The following KIRREL3 variants were observed in gnomAD, a reference collection of about 807,000 sequenced individuals.
KIRREL3 encodes kin of IRRE-like protein 3.
In KIRREL3, 36 loss-of-function variants were observed where a neutral mutation model predicts 89.7. The ratio of observed to expected loss-of-function variants is 0.40; its 90% CI spans 0.31 to 0.53. The LOEUF is 0.53. Among genes scored for constraint, KIRREL3 ranks in the 20% least tolerant of loss-of-function variants. The pLI, the probability that KIRREL3 is intolerant of heterozygous loss-of-function variation, is 0.49. For synonymous variants in KIRREL3, 445 were observed against 441.4 expected (o/e 1.01, Z -0.10); for missense variants, 864 against 1,056.6 (o/e 0.82, Z 2.53).
At chr11:126,674,004 C>A (rs1484598667) in intron 1 of KIRREL3, among the ~76,000 whole-genome samples, 2 of 152,210 alleles carry the variant, frequency 1.3e-5, no homozygotes, top group Non-Finnish European at 2.9e-5. Flanking sequence ...ATATGGGTAA[C>A]CCCTTAACTG....
rs114265268 is a variant in KIRREL3, at chr11:126,758,123, C to T, written c.56-195211G>A. On this transcript the variant is annotated intron_variant, in intron 1 of 16. Coordinates refer to ENST00000525144, the MANE Select transcript of KIRREL3 (RefSeq NM_032531.4). Reference sequence around the variant, plus strand: ...TGTGACGTTACTTAGTTGAGCTCTCCGATTTGGCTATTAAGACTCTCAAAG... The same window carrying T: ...TGTGACGTTACTTAGTTGAGCTCTCTGATTTGGCTATTAAGACTCTCAAAG... Among the ~76,000 whole-genome samples, 1,019 of 152,300 alleles carry T rather than the reference C, an allele frequency of 6.7e-3. 11 individuals carry two copies. Among genetic ancestry groups the T allele is most frequent in the African/African-American group, 0.023 (955 of 41,562 alleles).
intron 4 of KIRREL3, among the ~76,000 whole-genome samples, chr11:126,480,073 C>T (rs11220516): frequency 0.15 from 22,333 of 152,170 alleles, 1,865 homozygotes; most frequent in Non-Finnish European, 0.19. Context: ...CCATCCGGAT[C>T]CCCATCTCCC....
rs112149639 is a variant in KIRREL3, at chr11:126,938,343, T to C, written c.55+62112A>G. On this transcript the variant is annotated intron_variant, in intron 1 of 16. Coordinates refer to ENST00000525144, the MANE Select transcript of KIRREL3 (RefSeq NM_032531.4). ...AGTGGTGTCAAGGCTCTAATGACACTGGGCACTTGACTGGCATATTTTCTC... is the reference window on the plus strand; with the variant it reads ...AGTGGTGTCAAGGCTCTAATGACACCGGGCACTTGACTGGCATATTTTCTC... Among the ~76,000 whole-genome samples the C allele has an allele frequency of 2.9e-3, 447 of 152,324 alleles. 1 individual carries two copies. Among genetic ancestry groups the C allele is most frequent in the African/African-American group, 0.01 (427 of 41,582 alleles).
Position 126,463,110 on chromosome 11 carries a change from A to G in KIRREL3, c.742+47T>C, listed in dbSNP as rs746935536. 21 of 1,569,412 alleles carry G rather than the reference A, an allele frequency of 1.3e-5. No homozygotes were observed. The highest frequency in any genetic ancestry group is 1.7e-5 in the Non-Finnish European group (20 of 1,149,252). The stretch of plus-strand genomic sequence containing the variant: ...TATGGTCAGGGTTGCTGGGTGTTTC[A>G]CCCTGGGCCTGGCAGGGCTGGGTTG... On this transcript the variant is annotated intron_variant, in intron 6 of 16. Coordinates refer to ENST00000525144, the MANE Select transcript of KIRREL3 (RefSeq NM_032531.4). The surrounding 1 kb of genome is among the most constrained non-coding windows in gnomAD (Gnocchi z 5.9).
At chr11:126,461,967 C>T (rs1415224837) in intron 6 of KIRREL3, among the ~76,000 whole-genome samples, 2 of 152,198 alleles carry the variant, frequency 1.3e-5, no homozygotes, top group Non-Finnish European at 2.9e-5. Flanking sequence ...TGTTTGGCGG[C>T]AGGGAGGGGA....
At chr11:126,756,469 G>A (rs182771150) in intron 1 of KIRREL3, among the ~76,000 whole-genome samples, 1 of 152,382 alleles carries the variant, frequency 6.6e-6, no homozygotes, top group East Asian at 1.9e-4. Context: ...TGCCAGTATG[G>A]CAGGTCCCTT....
Position 126,544,613 on chromosome 11 carries a change from G to A in KIRREL3, c.134-17926C>T, listed in dbSNP as rs950014739. Among the ~76,000 whole-genome samples, 18 of 152,116 alleles carry A rather than the reference G, an allele frequency of 1.2e-4. No homozygotes were observed. The highest frequency in any genetic ancestry group is 1.3e-4 in the Non-Finnish European group (9 of 68,022). ...GAGTCTGCAGCAGGAACCCAGAGTC[G>A]GTGTCCTGGGGGCTCCATGCAGGAC... On this transcript the variant is annotated intron_variant, in intron 2 of 16. Transcript: ENST00000525144. The surrounding 1 kb of genome is among the most constrained non-coding windows in gnomAD (Gnocchi z 5.6).
At chr11:126,944,902 C>A (rs1219882724) in intron 1 of KIRREL3, 2 of 152,126 alleles carry the variant, frequency 1.3e-5, no homozygotes, top group African/African-American at 4.8e-5. Flanking sequence ...TGTGTTCTGC[C>A]CTCTTTCCAC....
rs542071268 is a variant in KIRREL3, at chr11:126,652,200, C to G, written c.56-89288G>C. Among the ~76,000 whole-genome samples, 11 of 152,242 alleles carry G rather than the reference C, an allele frequency of 7.2e-5. No individual in the cohort carries two copies. Among genetic ancestry groups the G allele is most frequent in the South Asian group, 2.1e-4 (1 of 4,816 alleles). ...CAGCCCCTCAGAGTGAAGGGATGGG[C>G]TTCTTTGGTTGAGTTCCGGTGTCTG... On this transcript the variant is annotated intron_variant, in intron 1 of 16. Transcript: ENST00000525144. The surrounding 1 kb of genome is among the most constrained non-coding windows in gnomAD (Gnocchi z 4.9).
At chr11:126,858,859 A>G (rs1273602640) in intron 1 of KIRREL3, among the ~76,000 whole-genome samples, 1 of 152,204 alleles carries the variant, frequency 6.6e-6, no homozygotes, top group Non-Finnish European at 1.5e-5. Context: ...CCTGGATGTC[A>G]GGTTGCTAGA....
intron 2 of KIRREL3, among the ~76,000 whole-genome samples, chr11:126,548,690 A>G (rs1436407920): frequency 1.3e-5 from 2 of 152,228 alleles, no homozygotes; most frequent in Non-Finnish European, 2.9e-5. Flanking sequence ...TTCCAGGGGA[A>G]CCTGAGGTAA....
chr11:126,821,381 G>A (rs895360716), intron 1 of KIRREL3, among the ~76,000 whole-genome samples: 4 of 125,098 alleles, frequency 3.2e-5, no homozygotes, highest in African/African-American at 1.4e-4. Flanking sequence ...CCCTTCCTTT[G>A]GAAAGGGCTT....
At position 126,788,771 on chromosome 11, in the gene KIRREL3, G is replaced by C. The variant is rs1950554572; in HGVS notation, c.55+211684C>G. Among the ~76,000 whole-genome samples the C allele has an allele frequency of 6.6e-6, 1 of 152,148 alleles. No individual in the cohort carries two copies. The highest frequency in any genetic ancestry group is 2.4e-5 in the African/African-American group (1 of 41,444). On this transcript the variant is annotated intron_variant, in intron 1 of 16. Coordinates refer to ENST00000525144, the MANE Select transcript of KIRREL3 (RefSeq NM_032531.4). The surrounding 1 kb of genome is among the most constrained non-coding windows in gnomAD (Gnocchi z 4.1). ...CAGAGTTCAATCTGGAGTCATCCAG[G>C]CAGCTGCATGTTGTATTATCCGCAT...
chr11:126,833,571 T>C (rs1053867855), intron 1 of KIRREL3, among the ~76,000 whole-genome samples: 12 of 152,356 alleles, frequency 7.9e-5, no homozygotes, highest in African/African-American at 2.9e-4. Context: ...GTCACAAAAG[T>C]GTTTCCTCAT....
In KIRREL3 at chr11:126,585,220, CTTTTT is replaced by C. The variant is rs3042225; in HGVS notation, c.56-22313_56-22309del. Among the ~76,000 whole-genome samples, 36 of 81,922 alleles carry C rather than the reference CTTTTT, an allele frequency of 4.4e-4. 1 individual carries two copies. Among genetic ancestry groups the C allele is most frequent in the Middle Eastern group, 8.1e-3 (1 of 124 alleles). The allele number at this position is 81,922 out of a possible 152,430, so 53.7% of individuals were successfully genotyped here. A position where few individuals can be genotyped will look rare whatever the true frequency, so the allele number is the denominator to read the frequency against. On this transcript the variant is annotated intron_variant, in intron 1 of 16. Transcript: ENST00000525144. Reference sequence around the variant, plus strand: ...AGGCGTGAGCCACCGCGCCCGGCCTCTTTTTTTTTTTTTTTTTTTTTTTTTTTGAG... The same window carrying C: ...AGGCGTGAGCCACCGCGCCCGGCCTCTTTTTTTTTTTTTTTTTTTTTTGAG...
rs1055181352 is a variant in KIRREL3, at chr11:126,575,229, A to G, written c.56-12317T>C. 6.6e-6 allele frequency among the ~76,000 whole-genome samples: 1 copy of G among 152,244 alleles called. No homozygotes were observed. Among genetic ancestry groups the G allele is most frequent in the Non-Finnish European group, 1.5e-5 (1 of 68,040 alleles). On this transcript the variant is annotated intron_variant, in intron 1 of 16. Coordinates refer to ENST00000525144, the MANE Select transcript of KIRREL3 (RefSeq NM_032531.4). The surrounding 1 kb of genome is among the most constrained non-coding windows in gnomAD (Gnocchi z 7.0). ...GCTACCCTGGCTTGAAGCTTTGGAC[A>G]GTCGGGGCAGGTTCTCTCTTGGCTC... is the stretch of plus-strand genomic sequence containing the variant.
rs753192658 is a variant in KIRREL3, at chr11:126,983,754, C to T, written c.55+16701G>A. On this transcript the variant is annotated intron_variant, in intron 1 of 16. Transcript: ENST00000525144. The surrounding 1 kb of genome is among the most constrained non-coding windows in gnomAD (Gnocchi z 4.9). The stretch of plus-strand genomic sequence containing the variant: ...GTGAGATCCATTCTAGACCTCTGAC[C>T]TCCAGAAGCTAAGATAGTACATTTG... Among the ~76,000 whole-genome samples, 3 of 152,166 alleles carry T rather than the reference C, an allele frequency of 2.0e-5. No homozygotes were observed. Among genetic ancestry groups the T allele is most frequent in the Non-Finnish European group, 4.4e-5 (3 of 68,030 alleles).
chr11:126,904,317 G>A lies in KIRREL3; in HGVS notation c.55+96138C>T, dbSNP rs1233212586. On this transcript the variant is annotated intron_variant, in intron 1 of 16. Transcript: ENST00000525144. The surrounding 1 kb of genome is among the most constrained non-coding windows in gnomAD (Gnocchi z 4.4). ...GGTAAATGTCTGTATTTTATGGCCC[G>A]AAGCCCCCAAACTCATGATTATTTG... 1.3e-5 allele frequency among the ~76,000 whole-genome samples: 2 copies of A among 152,066 alleles called. No homozygotes were observed. The highest frequency in any genetic ancestry group is 2.4e-5 in the African/African-American group (1 of 41,394).
chr11:126,838,798 GA>G (rs1450994023), intron 1 of KIRREL3, among the ~76,000 whole-genome samples: 17 of 152,266 alleles, frequency 1.1e-4, no homozygotes, highest in African/African-American at 4.1e-4. Context: ...ATAAAGGGGG[GA>G]AATATATGAT....
Sources: gnomAD v4.1 joint callset for allele counts (sites outside exome capture counted in the v4.1 genomes callset) on GRCh38, gnomAD v4.1.1 for gene constraint, Gnocchi (gnomAD v3.1) non-coding constraint, MANE v1.5 for transcripts, NCBI Gene and HGNC (gene_info 2026-07-23, HGNC 2026-07-21) for gene names.